Variants in PCDH9 observed in about 807,000 individuals in gnomAD.
PCDH9 encodes the protein protocadherin-9.
Under a neutral mutation model 70.6 loss-of-function variants are expected in PCDH9, and 24 were observed. The observed-to-expected ratio is 0.34, with a 90% confidence interval of 0.25 to 0.48. The LOEUF is 0.48. PCDH9 is among the 20% of genes least tolerant of loss of function. PCDH9 has a pLI of 0.99. For synonymous variants in PCDH9, 562 were observed against 558.5 expected (o/e 1.01, Z -0.09); for missense variants, 1,281 against 1,503.6 (o/e 0.85, Z 2.45).
chr13:66,863,184 A>G (rs7334531), intron 3 of PCDH9, among the ~76,000 whole-genome samples: 1,980 of 152,328 alleles, frequency 0.013, 51 homozygotes, highest in African/African-American at 0.045. Flanking sequence ...AAAACTGCTT[A>G]GATTTTAACT....
At chr13:67,069,769 T>C (rs1195694143) in intron 2 of PCDH9, among the ~76,000 whole-genome samples, 1 of 152,182 alleles carries the variant, frequency 6.6e-6, no homozygotes, top group Non-Finnish European at 1.5e-5. Flanking sequence ...GAATAAACAG[T>C]ACTAATGGGA....
intron 2 of PCDH9, among the ~76,000 whole-genome samples, chr13:67,176,729 C>G (rs1046536883): frequency 4.6e-5 from 7 of 152,070 alleles, no homozygotes; most frequent in Non-Finnish European, 1.0e-4. Flanking sequence ...CAATACCCAT[C>G]TGGCTCTTTC....
chr13:66,586,072 G>A (rs1306804128), intron 4 of PCDH9, among the ~76,000 whole-genome samples: 1 of 152,148 alleles, frequency 6.6e-6, no homozygotes, highest in African/African-American at 2.4e-5. Flanking sequence ...AGGAGCAAGG[G>A]AAAGCATTCA....
chr13:67,173,944 C>G (rs1273655776), intron 2 of PCDH9, among the ~76,000 whole-genome samples: 1 of 152,090 alleles, frequency 6.6e-6, no homozygotes, highest in Non-Finnish European at 1.5e-5. Context: ...GGTTTTGCTT[C>G]TCAAATGAAA....
intron 2 of PCDH9, among the ~76,000 whole-genome samples, chr13:66,936,955 C>G (rs1218267386): frequency 6.6e-6 from 1 of 152,040 alleles, no homozygotes; most frequent in Non-Finnish European, 1.5e-5. Context: ...CATAAAACTG[C>G]GTGGCGCATA....
intron 3 of PCDH9, among the ~76,000 whole-genome samples, chr13:66,779,182 C>CT (rs368685061): frequency 0.014 from 2,020 of 142,342 alleles, 34 homozygotes; most frequent in African/African-American, 0.044. Flanking sequence ...AGTTCAGTGG[C>CT]TTTTTTTTTT....
At chr13:66,723,802 G>A (rs2078971967) in intron 3 of PCDH9, among the ~76,000 whole-genome samples, 1 of 152,180 alleles carries the variant, frequency 6.6e-6, no homozygotes, top group Non-Finnish European at 1.5e-5. Context: ...GAATACTAAT[G>A]AAAAGCTGTA....
chr13:66,599,470 CTGT>C (rs1467404207), intron 4 of PCDH9, among the ~76,000 whole-genome samples: 1 of 151,726 alleles, frequency 6.6e-6, no homozygotes, highest in Non-Finnish European at 1.5e-5. Context: ...ATATTTGCAA[CTGT>C]TTTTACTTTC....
chr13:66,963,636 A>G (rs528819500), intron 2 of PCDH9, among the ~76,000 whole-genome samples: 72 of 152,330 alleles, frequency 4.7e-4, no homozygotes, highest in African/African-American at 1.1e-3. Flanking sequence ...AATAATGCAG[A>G]GATTATGTGA....
intron 4 of PCDH9, among the ~76,000 whole-genome samples, chr13:66,544,385 A>G (rs17584199): frequency 0.063 from 9,574 of 152,238 alleles, 392 homozygotes; most frequent in Non-Finnish European, 0.087. Flanking sequence ...GTGGTTTCAC[A>G]CAAACACACA....
chr13:66,476,094 C>T (rs1415258734), intron 4 of PCDH9, among the ~76,000 whole-genome samples: 2 of 152,030 alleles, frequency 1.3e-5, no homozygotes, highest in African/African-American at 4.8e-5. Context: ...CTTTAAAGGT[C>T]TTCTTAAATA....
At chr13:67,145,498 A>C (rs2087500988) in intron 2 of PCDH9, among the ~76,000 whole-genome samples, 1 of 152,040 alleles carries the variant, frequency 6.6e-6, no homozygotes, top group African/African-American at 2.4e-5. Flanking sequence ...ACAAGAAGAG[A>C]CTATTCATGC....
chr13:67,140,897 A>G (rs1479444338), intron 2 of PCDH9, among the ~76,000 whole-genome samples: 2 of 152,142 alleles, frequency 1.3e-5, no homozygotes, highest in African/African-American at 2.4e-5. Flanking sequence ...TTCAGTGAAT[A>G]TATTCTTTCC....
intron 4 of PCDH9, among the ~76,000 whole-genome samples, chr13:66,318,462 T>C (rs988697643): frequency 1.9e-4 from 29 of 152,206 alleles, no homozygotes; most frequent in African/African-American, 7.0e-4. Flanking sequence ...ATACAAGGCA[T>C]GAATTATTTA....
Position 67,226,637 on chromosome 13 carries a change from C to T in PCDH9, c.1804G>A (p.Gly602Arg), listed in dbSNP as rs1366990333. ...GVITVTDADAGENKAVTLSIL... is the reference protein window; with the variant it reads ...GVITVTDADARENKAVTLSIL... ...GAAAGAGTCACAGCTTTATTCTCTCCAGCATCTGCATCTGTCACTGTGATT... is the reference window on the plus strand; with the variant it reads ...GAAAGAGTCACAGCTTTATTCTCTCTAGCATCTGCATCTGTCACTGTGATT... The change falls in exon 2 of 5, where the codon GGA (glycine) becomes AGA (arginine). Residue 602 changes from glycine (G) to arginine (R), a missense_variant. Gly to Arg is a moderately radical substitution (Grantham distance 125). Transcript: ENST00000377865. This position sits in a 1 kb window ranked among gnomAD's most constrained non-coding sequence, Gnocchi z 5.0. The T allele has an allele frequency of 1.9e-6, 3 of 1,614,048 alleles. No individual in the cohort carries two copies. Among genetic ancestry groups the T allele is most frequent in the East Asian group, 4.5e-5 (2 of 44,870 alleles).
intron 4 of PCDH9, among the ~76,000 whole-genome samples, chr13:66,564,123 A>T (rs1370701802): frequency 6.6e-6 from 1 of 152,168 alleles, no homozygotes; most frequent in East Asian, 1.9e-4. Context: ...GCAGTCTAAA[A>T]GCAACAAGGA....
At chr13:66,483,956 C>T (rs542169247) in intron 4 of PCDH9, among the ~76,000 whole-genome samples, 1 of 152,150 alleles carries the variant, frequency 6.6e-6, no homozygotes, top group African/African-American at 2.4e-5. Flanking sequence ...GGGGAGCACC[C>T]CCACATGCCT....
chr13:66,658,093 T>A (rs2077957520), intron 3 of PCDH9, among the ~76,000 whole-genome samples: 1 of 152,232 alleles, frequency 6.6e-6, no homozygotes, highest in African/African-American at 2.4e-5. Flanking sequence ...AATGCCATTT[T>A]CTATCAGGTA....
chr13:66,598,948 A>G (rs911656763), intron 4 of PCDH9, among the ~76,000 whole-genome samples: 1 of 151,882 alleles, frequency 6.6e-6, no homozygotes, highest in Non-Finnish European at 1.5e-5. Context: ...TCAAAGTAGC[A>G]TATAATTAGG....
Sources: allele counts gnomAD v4.1 joint callset (sites outside exome capture counted in the v4.1 genomes callset), GRCh38; gene constraint gnomAD v4.1.1; non-coding constraint Gnocchi (gnomAD v3.1); transcripts MANE v1.5; gene names NCBI Gene and HGNC (gene_info 2026-07-23, HGNC 2026-07-21).